Variants in TMEM135 observed in about 807,000 individuals in gnomAD.
TMEM135 encodes the protein transmembrane protein 135.
TMEM135 carries 30 observed loss-of-function variants against 60.3 expected under a neutral mutation model. That is an observed-to-expected ratio of 0.50 (90% CI 0.37 to 0.68). The LOEUF (loss-of-function observed/expected upper bound fraction) is 0.68. Among genes scored for constraint, TMEM135 ranks in the 30% least tolerant of loss-of-function variants. The pLI is 0.00. For missense variants in TMEM135, 468 were observed against 548.8 expected (o/e 0.85, Z 1.47); for synonymous variants, 190 against 186.7 (o/e 1.02, Z -0.14).
intron 4 of TMEM135, among the ~76,000 whole-genome samples, chr11:87,113,631 G>A (rs1857807710): frequency 6.6e-6 from 1 of 152,024 alleles, no homozygotes; most frequent in Non-Finnish European, 1.5e-5. Flanking sequence ...TTCTATAACA[G>A]ACCTAAATTT....
intron 4 of TMEM135, among the ~76,000 whole-genome samples, chr11:87,112,735 G>A (rs543540214): frequency 3.9e-5 from 6 of 152,072 alleles, no homozygotes; most frequent in African/African-American, 1.4e-4. Context: ...GAAGAAAATC[G>A]TGTAGGGCTG....
At chr11:87,072,239 T>C (rs2135142901) in intron 3 of TMEM135, among the ~76,000 whole-genome samples, 1 of 152,262 alleles carries the variant, frequency 6.6e-6, no homozygotes, top group Middle Eastern at 3.4e-3. Flanking sequence ...AAAGATTTTT[T>C]CCATAGCCAT....
intron 4 of TMEM135, among the ~76,000 whole-genome samples, chr11:87,156,443 C>G (rs1373899884): frequency 1.3e-5 from 2 of 152,120 alleles, no homozygotes; most frequent in Non-Finnish European, 2.9e-5. Flanking sequence ...CTGTCGATCA[C>G]TTTGGGTTGT....
chr11:87,131,722 A>G (rs1937936426), intron 4 of TMEM135, among the ~76,000 whole-genome samples: 1 of 152,196 alleles, frequency 6.6e-6, no homozygotes, highest in Admixed American at 6.5e-5. Flanking sequence ...CCTATAAAAT[A>G]AAATTAAAAT....
intron 3 of TMEM135, among the ~76,000 whole-genome samples, chr11:87,090,918 G>A (rs1027014092): frequency 4.6e-5 from 7 of 152,014 alleles, no homozygotes; most frequent in Admixed American, 4.6e-4. Flanking sequence ...TGTATTGTGT[G>A]TGAAACAGAT....
chr11:87,327,976 C>T lies in TMEM135; in HGVS notation c.*6643C>T, dbSNP rs904753950. Reference sequence around the variant, plus strand: ...GAGGGCAGATCTTCTCTGCCTAGTCCACGCTAACTCACATGCCAATCTCCT... The same window carrying T: ...GAGGGCAGATCTTCTCTGCCTAGTCTACGCTAACTCACATGCCAATCTCCT... On this transcript the variant is annotated 3_prime_UTR_variant, in exon 15 of 15. Coordinates refer to ENST00000305494, the MANE Select transcript of TMEM135 (RefSeq NM_022918.4). 1 of 453,888 alleles carries T rather than the reference C, an allele frequency of 2.2e-6. No individual in the cohort carries two copies. The highest frequency in any genetic ancestry group is 2.0e-5 in the African/African-American group (1 of 49,966). 28.1% of individuals were successfully genotyped at this position (453,888 alleles called of 1,614,324 possible). A position where few individuals can be genotyped will look rare whatever the true frequency, so the allele number is the denominator to read the frequency against.
At chr11:87,260,257 C>G (rs1941622335) in intron 6 of TMEM135, among the ~76,000 whole-genome samples, 1 of 152,140 alleles carries the variant, frequency 6.6e-6, no homozygotes. Context: ...CTGTTTCTTC[C>G]TTGAATGTTA....
intron 6 of TMEM135, among the ~76,000 whole-genome samples, chr11:87,287,624 C>T (rs1037622523): frequency 6.6e-6 from 1 of 152,178 alleles, no homozygotes; most frequent in African/African-American, 2.4e-5. Flanking sequence ...TTGCAGTGAG[C>T]TGAGATCACA....
rs765868394 is a variant in TMEM135, at chr11:87,326,219, G to C, written c.*4886G>C. 6.6e-6 allele frequency: 3 copies of C among 453,858 alleles called. No homozygotes were observed. Among genetic ancestry groups the C allele is most frequent in the Non-Finnish European group, 1.3e-5 (3 of 226,782 alleles). The allele number at this position is 453,858 out of a possible 1,614,324, so 28.1% of individuals were successfully genotyped here. A position where few individuals can be genotyped will look rare whatever the true frequency, so the allele number is the denominator to read the frequency against. The stretch of plus-strand genomic sequence containing the variant: ...GATGTTCCCTGGTCTTGGCATAGAG[G>C]CCATAGGCATACAACATGCTTTATC... On this transcript the variant is annotated 3_prime_UTR_variant, in exon 15 of 15. Transcript: ENST00000305494.
At chr11:87,162,358 C>T (rs1321767943) in intron 5 of TMEM135, among the ~76,000 whole-genome samples, 1 of 152,112 alleles carries the variant, frequency 6.6e-6, no homozygotes, top group Non-Finnish European at 1.5e-5. Context: ...TCTTCTAATG[C>T]TATCCCTCCC....
chr11:87,071,579 C>A lies in TMEM135; in HGVS notation c.326C>A (p.Ala109Glu). 1 of 1,613,844 alleles carries A rather than the reference C, an allele frequency of 6.2e-7. No homozygotes were observed. The highest frequency in any genetic ancestry group is 1.1e-5 in the South Asian group (1 of 91,044). The change falls in exon 3 of 15, where the codon GCA becomes GAA. Residue 109 changes from alanine to glutamate, a missense_variant. Transcript: ENST00000305494. ...WTPGFGAALPASYVAILIERK... is the reference protein window; with the variant it reads ...WTPGFGAALPESYVAILIERK... ...CCTGGCTTTGGTGCCGCTCTGCCAG[C>A]ATCTTATGTGGCCATTCTCATTGAA...
intron 6 of TMEM135, among the ~76,000 whole-genome samples, chr11:87,237,155 A>G (rs1352452670): frequency 6.6e-6 from 1 of 151,934 alleles, no homozygotes; most frequent in African/African-American, 2.4e-5. Flanking sequence ...ATAATGTCAA[A>G]GTTGTACTTT....
At chr11:87,119,885 T>TAA (rs1230664977) in intron 4 of TMEM135, among the ~76,000 whole-genome samples, 1 of 149,006 alleles carries the variant, frequency 6.7e-6, no homozygotes. Context: ...TTTACTTTTT[T>TAA]AAAAAAAAAA....
intron 5 of TMEM135, among the ~76,000 whole-genome samples, chr11:87,205,701 T>C (rs1940218986): frequency 2.0e-5 from 3 of 152,304 alleles, no homozygotes; most frequent in Admixed American, 2.0e-4. Flanking sequence ...GCTAGAGGCA[T>C]ATGAATAAGA....
intron 1 of TMEM135, among the ~76,000 whole-genome samples, chr11:87,066,097 AG>A (rs1856645706): frequency 6.6e-6 from 1 of 152,218 alleles, no homozygotes; most frequent in African/African-American, 2.4e-5. Flanking sequence ...AGATGCCATT[AG>A]ATTTGTTGAT....
At chr11:87,061,618 G>T (rs1320644395) in intron 1 of TMEM135, among the ~76,000 whole-genome samples, 1 of 152,196 alleles carries the variant, frequency 6.6e-6, no homozygotes, top group African/African-American at 2.4e-5. Flanking sequence ...GAGGCTCACA[G>T]TAACTACTAA....
chr11:87,236,812 C>CG, intron 6 of TMEM135, 128 bp downstream of exon 6: 2 of 844,576 alleles, frequency 2.4e-6, no homozygotes, highest in Non-Finnish European at 3.9e-6. Flanking sequence ...CCCGCACCCC[C>CG]GCCCAGAGTG....
chr11:87,204,091 T>C (rs1940181876), intron 5 of TMEM135, among the ~76,000 whole-genome samples: 1 of 152,192 alleles, frequency 6.6e-6, no homozygotes, highest in African/African-American at 2.4e-5. Flanking sequence ...GTTCCTCTTT[T>C]GGCTCGTTTA....
chr11:87,244,900 A>G (rs565354210), intron 6 of TMEM135, among the ~76,000 whole-genome samples: 1 of 150,416 alleles, frequency 6.6e-6, no homozygotes, highest in East Asian at 2.0e-4. Context: ...TAGCTTTTGA[A>G]TGTGTTTGCT....
Sources: gnomAD v4.1 joint callset for allele counts (sites outside exome capture counted in the v4.1 genomes callset) on GRCh38, gnomAD v4.1.1 for gene constraint, MANE v1.5 for transcripts, NCBI Gene and HGNC (gene_info 2026-07-23, HGNC 2026-07-21) for gene names.